The following PKD1L3 variants were observed in gnomAD, a reference collection of about 807,000 sequenced individuals.
PKD1L3 encodes the protein polycystin-1-like protein 3.
A neutral mutation model predicts 184.1 loss-of-function variants in PKD1L3; 239 were observed. That is an observed-to-expected ratio of 1.30 (90% CI 1.17 to 1.45). PKD1L3 has a LOEUF of 1.45. Among genes scored for constraint, PKD1L3 ranks in the 40% most tolerant of loss-of-function variants. The pLI, the probability that PKD1L3 is intolerant of heterozygous loss-of-function variation, is 0.00. For missense variants in PKD1L3, 2,660 were observed against 2,067.2 expected (o/e 1.29, Z -5.56); for synonymous variants, 996 against 778.8 (o/e 1.28, Z -4.64).
Position 71,935,501 on chromosome 16 carries a change from C to G in PKD1L3, c.4470G>C (p.Gln1490His), listed in dbSNP as rs530395678. The G allele has an allele frequency of 6.4e-7, 1 of 1,552,112 alleles. No individual in the cohort carries two copies. The highest frequency in any genetic ancestry group is 8.7e-7 in the Non-Finnish European group (1 of 1,147,022). Residue 1490 changes from glutamine (Q) to histidine (H), a missense_variant, in exon 26 of 30, where the codon CAG becomes CAC. Transcript: ENST00000620267. ...YAFIQGCQLK[Q>H]QKWRFFTGKR... is the part of the protein sequence containing the mutation. ...TCCCAGTGAAGAACCTCCACTTCTG[C>G]TGTTTCAGCTGACAACCCTAAACAT...
intron 2 of PKD1L3, among the ~76,000 whole-genome samples, chr16:71,994,876 T>C (rs1258135502): frequency 1.3e-5 from 2 of 151,968 alleles, no homozygotes; most frequent in East Asian, 3.9e-4. Flanking sequence ...TAATCCCAGC[T>C]ACTTGGGAGG....
chr16:71,956,457 T>G (rs1331799147), intron 16 of PKD1L3, among the ~76,000 whole-genome samples: 1 of 151,630 alleles, frequency 6.6e-6, no homozygotes, highest in African/African-American at 2.4e-5. Context: ...CCTCCCAAAG[T>G]GCTGAGATTA....
chr16:71,981,364 T>C (rs1276870786), intron 7 of PKD1L3, among the ~76,000 whole-genome samples: 1 of 152,194 alleles, frequency 6.6e-6, no homozygotes, highest in African/African-American at 2.4e-5. Context: ...TGGCAAGTTC[T>C]CTGCATCCTT....
chr16:71,966,584 GC>G (rs1227084244), intron 15 of PKD1L3, among the ~76,000 whole-genome samples: 1 of 151,948 alleles, frequency 6.6e-6, no homozygotes, highest in Non-Finnish European at 1.5e-5. Context: ...ACACAACCAT[GC>G]CTGGCGATTT....
At position 71,982,074 on chromosome 16, in the gene PKD1L3, C is replaced by T. The variant is rs376104347; in HGVS notation, c.1128G>A (p.Lys376=). Residue 376 remains lysine, a synonymous_variant, in exon 7 of 30, where the codon AAG becomes AAA. Transcript: ENST00000620267. ...TGGCACCTACCGGCTCAGTATGACG[C>T]TTGGATTCCAGCCAACTTCCTTCTC... The part of the protein sequence containing the change: ...KAGEGSWLES[K]RHTEPVEDIL... The T allele has an allele frequency of 2.5e-5, 39 of 1,548,416 alleles. No homozygotes were observed. The highest frequency in any genetic ancestry group is 3.2e-5 in the Non-Finnish European group (37 of 1,145,586).
Position 71,982,052 on chromosome 16 carries a change from C to A in PKD1L3, c.1143+7G>T, listed in dbSNP as rs1338687956. ...CAGATCTGGCCACCTGCATATCTGG[C>A]ACCTACCGGCTCAGTATGACGCTTG... On this transcript the variant is annotated splice_region_variant and intron_variant, in intron 7 of 29. Coordinates refer to ENST00000620267, the MANE Select transcript of PKD1L3 (RefSeq NM_181536.2). The A allele has an allele frequency of 6.5e-7, 1 of 1,537,012 alleles. No homozygotes were observed. Among genetic ancestry groups the A allele is most frequent in the Non-Finnish European group, 8.8e-7 (1 of 1,141,244 alleles).
intron 12 of PKD1L3, among the ~76,000 whole-genome samples, chr16:71,971,731 T>C (rs572207917): frequency 4.5e-4 from 69 of 152,318 alleles, no homozygotes; most frequent in African/African-American, 1.6e-3. Flanking sequence ...AAACTGATTA[T>C]AGATTTGCTT....
rs903416130 is a variant in PKD1L3, at chr16:71,947,570, A to G, written c.3640T>C (p.Tyr1214His). The change falls in exon 22 of 30, where the codon TAC becomes CAC. Residue 1214 changes from tyrosine (Y) to histidine (H), a missense_variant. Transcript: ENST00000620267. The part of the protein sequence containing the change: ...PVKVVFFTFL[Y>H]SLMMSRMPRL... Reference sequence around the variant, plus strand: ...GGCATCCTGCTCATCATCAGTGAGTATAAGAATGTGAAGAAGACCACCTGG... The same window carrying G: ...GGCATCCTGCTCATCATCAGTGAGTGTAAGAATGTGAAGAAGACCACCTGG... 5.2e-6 allele frequency: 8 copies of G among 1,546,076 alleles called. No homozygotes were observed. The highest frequency in any genetic ancestry group is 6.1e-6 in the Non-Finnish European group (7 of 1,142,430).
chr16:71,989,047 A>C (rs1289342911), intron 4 of PKD1L3, among the ~76,000 whole-genome samples: 2 of 152,218 alleles, frequency 1.3e-5, no homozygotes, highest in Non-Finnish European at 2.9e-5. Flanking sequence ...AAATGCCTTT[A>C]ACTGAAATCA....
chr16:71,933,819 C>T lies in PKD1L3; in HGVS notation c.4824+96G>A, dbSNP rs187080428. ...TAAACCCGGCTTTCCTACTGTACCACCTCGGGTTTCTGTGTTGTGACCATT... is the reference window on the plus strand; with the variant it reads ...TAAACCCGGCTTTCCTACTGTACCATCTCGGGTTTCTGTGTTGTGACCATT... On this transcript the variant is annotated intron_variant, in intron 27 of 29. Coordinates refer to ENST00000620267, the MANE Select transcript of PKD1L3 (RefSeq NM_181536.2). 4,263 of 1,351,102 alleles carry T rather than the reference C, an allele frequency of 3.2e-3. 8 individuals carry two copies. Among genetic ancestry groups the T allele is most frequent in the Non-Finnish European group, 3.9e-3 (3,769 of 977,240 alleles). The allele number at this position is 1,351,102 out of a possible 1,614,324, so 83.7% of individuals were successfully genotyped here.
chr16:71,936,209 CTT>C (rs986834363), intron 25 of PKD1L3, among the ~76,000 whole-genome samples: 6 of 137,358 alleles, frequency 4.4e-5, no homozygotes, highest in East Asian at 2.1e-4. Flanking sequence ...TTTTTCTTTT[CTT>C]TTTTTTTTTT....
rs1345815015 is a variant in PKD1L3 at position 71,963,273 on chromosome 16, C to T, written c.2544G>A (p.Val848=). The T allele has an allele frequency of 6.4e-7, 1 of 1,551,506 alleles. No homozygotes were observed. The highest frequency in any genetic ancestry group is 1.4e-5 in the African/African-American group (1 of 73,140). Residue 848 remains valine, a synonymous_variant, in exon 16 of 30, where the codon GTG becomes GTA. Coordinates refer to ENST00000620267, the MANE Select transcript of PKD1L3 (RefSeq NM_181536.2). ...WHFLCNCWLA[V]DLGDCELDRV... ...GGTCAAGCTCACAGTCTCCGAGGTC[C>T]ACAGCCAGCCAGCAATTGCACAGGA...
chr16:71,981,233 G>A (rs1346734821), intron 7 of PKD1L3, among the ~76,000 whole-genome samples: 1 of 152,106 alleles, frequency 6.6e-6, no homozygotes, highest in African/African-American at 2.4e-5. Context: ...CAACTCTCTT[G>A]GGTAGACACT....
intron 4 of PKD1L3, among the ~76,000 whole-genome samples, chr16:71,987,544 T>C (rs1220216314): frequency 3.9e-5 from 6 of 152,082 alleles, no homozygotes; most frequent in Admixed American, 2.6e-4. Context: ...GGCTAATTTT[T>C]GTATTTTTAG....
intron 29 of PKD1L3, 60 bp downstream of exon 29, chr16:71,929,992 G>GC: frequency 1.3e-6 from 2 of 1,489,170 alleles, no homozygotes; most frequent in South Asian, 2.6e-5. Flanking sequence ...CTTAGGGGCA[G>GC]TTACAGTGGA....
In PKD1L3 at chr16:71,942,661, C is replaced by G. The variant is rs535377595; in HGVS notation, c.4223G>C (p.Ser1408Thr). The G allele has an allele frequency of 3.9e-5, 61 of 1,551,724 alleles. 1 individual carries two copies. In the African/African-American group the frequency reaches 7.1e-4, roughly 18 times the overall value. Residue 1408 changes from serine to threonine, a missense_variant, in exon 24 of 30, where the codon AGT becomes ACT. Transcript: ENST00000620267. ...CATGGGCCTGGGTGAACAGATGTAA[C>G]TGAACCTCCTTAGATGAAGTCCAGG... ...LFPGLHLRRF[S>T]YICSPRPMVL... is the part of the protein sequence containing the mutation.
At chr16:71,950,331 G>T in intron 19 of PKD1L3, 21 bp from the exon 20 acceptor site, 2 of 1,500,324 alleles carry the variant, frequency 1.3e-6, no homozygotes, top group Non-Finnish European at 1.8e-6. Context: ...ATTTCAAGTT[G>T]ACACTTTCAC....
At position 71,986,377 on chromosome 16, in the gene PKD1L3, G is replaced by A. The variant is rs746924894; in HGVS notation, c.678C>T (p.Ser226=). 3 of 1,551,868 alleles carry A rather than the reference G, an allele frequency of 1.9e-6. No homozygotes were observed. In the South Asian group the frequency reaches 3.6e-5, roughly 18 times the overall value. Residue 226 remains serine (S), a synonymous_variant, in exon 5 of 30, where the codon AGC becomes AGT. Coordinates refer to ENST00000620267, the MANE Select transcript of PKD1L3 (RefSeq NM_181536.2). The part of the protein sequence containing the change: ...QVTSAASEPS[S]QPLPVITQLT... ...GCTGTGTTATCACAGGGAGAGGCTGGCTGCTGGGTTCAGATGCGGCTGATG... is the reference window on the plus strand; with the variant it reads ...GCTGTGTTATCACAGGGAGAGGCTGACTGCTGGGTTCAGATGCGGCTGATG...
intron 16 of PKD1L3, among the ~76,000 whole-genome samples, chr16:71,956,137 T>C (rs2039036661): frequency 6.6e-6 from 1 of 150,618 alleles, no homozygotes; most frequent in Non-Finnish European, 1.5e-5. Context: ...GGATTCCAGG[T>C]GTGAGCCACT....
Sources: allele counts gnomAD v4.1 joint callset (sites outside exome capture counted in the v4.1 genomes callset), GRCh38; gene constraint gnomAD v4.1.1; transcripts MANE v1.5; gene names NCBI Gene and HGNC (gene_info 2026-07-23, HGNC 2026-07-21).